KIRREL3: variants seen among roughly 807,000 people sequenced by gnomAD.
KIRREL3 encodes the protein kirre like nephrin family adhesion molecule 3, also known as kin of IRRE-like protein 3.
KIRREL3 carries 36 observed loss-of-function variants against 89.7 expected under a neutral mutation model. The ratio of observed to expected loss-of-function variants is 0.40; its 90% CI spans 0.31 to 0.53. KIRREL3 has a LOEUF of 0.53. Ranked by LOEUF, KIRREL3 falls within the 20% of genes least tolerant of loss-of-function variation. The probability of loss-of-function intolerance (pLI) is 0.49; values close to 1 mark genes in which losing one functional copy is unlikely to be tolerated. For synonymous variants in KIRREL3, 445 were observed against 441.4 expected (o/e 1.01, Z -0.10); for missense variants, 864 against 1,056.6 (o/e 0.82, Z 2.53).
rs1349732857 is a variant in KIRREL3, at chr11:126,694,563, G to A, written c.56-131651C>T. The stretch of plus-strand genomic sequence containing the variant: ...GTTCTAGGGCAGGTTTGGGGGTGCT[G>A]ACTAGGCCTTCACACAAAGAGGAAT... On this transcript the variant is annotated intron_variant, in intron 1 of 16. Transcript: ENST00000525144. The surrounding 1 kb of genome is among the most constrained non-coding windows in gnomAD (Gnocchi z 4.4). 6.6e-6 allele frequency among the ~76,000 whole-genome samples: 1 copy of A among 152,196 alleles called. No homozygotes were observed. Among genetic ancestry groups the A allele is most frequent in the Non-Finnish European group, 1.5e-5 (1 of 68,038 alleles).
chr11:126,591,636 G>A (rs1942137523), intron 1 of KIRREL3, among the ~76,000 whole-genome samples: 1 of 152,182 alleles, frequency 6.6e-6, no homozygotes, highest in Admixed American at 6.5e-5. Flanking sequence ...GCTTCTAGAA[G>A]GATCTGGCTG....
rs1958577356 is a variant in KIRREL3 at position 126,521,270 on chromosome 11, G to T, written c.433+45C>A. 6.8e-7 allele frequency: 1 copy of T among 1,474,344 alleles called. No homozygotes were observed. 91.3% of individuals were successfully genotyped at this position (1,474,344 alleles called of 1,614,324 possible). On this transcript the variant is annotated intron_variant, in intron 4 of 16. Coordinates refer to ENST00000525144, the MANE Select transcript of KIRREL3 (RefSeq NM_032531.4). This position sits in a 1 kb window ranked among gnomAD's most constrained non-coding sequence, Gnocchi z 4.1. ...AATACCCTCTTGGAGCTGAGCCCTT[G>T]GTGCTTCACGCAGTGTCCCAGCCCC...
rs1304283002 is a variant in KIRREL3 at position 126,724,031 on chromosome 11, G to A, written c.56-161119C>T. Among the ~76,000 whole-genome samples the A allele has an allele frequency of 6.6e-6, 1 of 152,204 alleles. No individual in the cohort carries two copies. Among genetic ancestry groups the A allele is most frequent in the Admixed American group, 6.5e-5 (1 of 15,278 alleles). On this transcript the variant is annotated intron_variant, in intron 1 of 16. Coordinates refer to ENST00000525144, the MANE Select transcript of KIRREL3 (RefSeq NM_032531.4). This position sits in a 1 kb window ranked among gnomAD's most constrained non-coding sequence, Gnocchi z 4.3. ...AGCTCCAAGGCCACACATGAAAAGAGAAATGCTGAGGCTGTTCCATTTGAG... is the reference window on the plus strand; with the variant it reads ...AGCTCCAAGGCCACACATGAAAAGAAAAATGCTGAGGCTGTTCCATTTGAG...
In KIRREL3 at chr11:126,923,133, T is replaced by TCTCCTTCTCCTTCTC. The variant is rs1565422701; in HGVS notation, c.55+77321_55+77322insGAGAAGGAGAAGGAG. Among the ~76,000 whole-genome samples, 44 of 13,802 alleles carry TCTCCTTCTCCTTCTC rather than the reference T, an allele frequency of 3.2e-3. 7 individuals carry two copies. The highest frequency in any genetic ancestry group is 4.0e-3 in the Non-Finnish European group (30 of 7,518). The allele number at this position is 13,802 out of a possible 152,430, so 9.1% of individuals were successfully genotyped here. A position where few individuals can be genotyped will look rare whatever the true frequency, so the allele number is the denominator to read the frequency against. ...CTCCTTCTCCTTCTCCTTCTTCTCT[T>TCTCCTTCTCCTTCTC]CTTCTTCTTCTTCTTCTTCTTCTTC... On this transcript the variant is annotated intron_variant, in intron 1 of 16. Coordinates refer to ENST00000525144, the MANE Select transcript of KIRREL3 (RefSeq NM_032531.4).
chr11:126,645,425 C>T lies in KIRREL3; in HGVS notation c.56-82513G>A, dbSNP rs539928415. 1.4e-4 allele frequency among the ~76,000 whole-genome samples: 21 copies of T among 152,278 alleles called. No homozygotes were observed. The highest frequency in any genetic ancestry group is 5.1e-4 in the African/African-American group (21 of 41,556). ...GAGCCATTTGAGGGCAGAGACCAGA[C>T]CATCTCCGCAGCCTCTCAGGCTACA... On this transcript the variant is annotated intron_variant, in intron 1 of 16. Transcript: ENST00000525144. This position sits in a 1 kb window ranked among gnomAD's most constrained non-coding sequence, Gnocchi z 4.9.
At position 126,664,871 on chromosome 11, in the gene KIRREL3, G is replaced by T. The variant is rs920277133; in HGVS notation, c.56-101959C>A. ...GGGGCATTCCCTGCCTCAACCACAG[G>T]TAGCTGGAGCTCATTCTACAGTGTC... On this transcript the variant is annotated intron_variant, in intron 1 of 16. Transcript: ENST00000525144. This position sits in a 1 kb window ranked among gnomAD's most constrained non-coding sequence, Gnocchi z 5.4. Among the ~76,000 whole-genome samples the T allele has an allele frequency of 3.3e-5, 5 of 152,178 alleles. No individual in the cohort carries two copies. Among genetic ancestry groups the T allele is most frequent in the Non-Finnish European group, 7.3e-5 (5 of 68,036 alleles).
intron 1 of KIRREL3, among the ~76,000 whole-genome samples, chr11:126,691,524 G>A (rs1037034385): frequency 4.6e-5 from 7 of 152,128 alleles, no homozygotes; most frequent in Non-Finnish European, 1.0e-4. Flanking sequence ...AGTGCAAAAA[G>A]TCTCAGAAGA....
chr11:126,753,516 T>C (rs1014885024), intron 1 of KIRREL3, among the ~76,000 whole-genome samples: 6 of 152,162 alleles, frequency 3.9e-5, no homozygotes, highest in Non-Finnish European at 7.3e-5. Flanking sequence ...TAAAAGACAA[T>C]TGTGGGGGAC....
intron 1 of KIRREL3, among the ~76,000 whole-genome samples, chr11:126,894,292 C>T (rs771275541): frequency 2.0e-5 from 3 of 152,022 alleles, no homozygotes; most frequent in Admixed American, 6.5e-5. Context: ...ATAGTCCAGG[C>T]ATTGTGTTAG....
chr11:126,659,206 A>G (rs138794915), intron 1 of KIRREL3, among the ~76,000 whole-genome samples: 11 of 152,242 alleles, frequency 7.2e-5, no homozygotes, highest in African/African-American at 2.4e-4. Context: ...AGACATGGTG[A>G]GTTTATTTAT....
In KIRREL3 at chr11:126,912,185, A is replaced by G. The variant is rs1261683254; in HGVS notation, c.55+88270T>C. 2.6e-5 allele frequency among the ~76,000 whole-genome samples: 4 copies of G among 151,968 alleles called. No individual in the cohort carries two copies. Among genetic ancestry groups the G allele is most frequent in the Non-Finnish European group, 5.9e-5 (4 of 68,008 alleles). On this transcript the variant is annotated intron_variant, in intron 1 of 16. Coordinates refer to ENST00000525144, the MANE Select transcript of KIRREL3 (RefSeq NM_032531.4). This position sits in a 1 kb window ranked among gnomAD's most constrained non-coding sequence, Gnocchi z 4.7. ...AGTGACCAACCCTCTTTTCAGAAGG[A>G]CAAAGTGGAATGAAAGCACAAGCCA...
Position 126,742,785 on chromosome 11 carries a change from G to T in KIRREL3, c.56-179873C>A, listed in dbSNP as rs1364000617. Among the ~76,000 whole-genome samples the T allele has an allele frequency of 6.6e-6, 1 of 152,226 alleles. No individual in the cohort carries two copies. The highest frequency in any genetic ancestry group is 1.5e-5 in the Non-Finnish European group (1 of 68,042). Reference sequence around the variant, plus strand: ...CAGGGTGAGGTTAGGCAGCTAGAACGTTATTGATCAACAACTTTGCCACAT... The same window carrying T: ...CAGGGTGAGGTTAGGCAGCTAGAACTTTATTGATCAACAACTTTGCCACAT... On this transcript the variant is annotated intron_variant, in intron 1 of 16. Transcript: ENST00000525144. The surrounding 1 kb of genome is among the most constrained non-coding windows in gnomAD (Gnocchi z 5.3).
intron 1 of KIRREL3, among the ~76,000 whole-genome samples, chr11:126,848,405 T>G (rs1022941477): frequency 6.6e-6 from 1 of 152,206 alleles, no homozygotes; most frequent in Non-Finnish European, 1.5e-5. Flanking sequence ...TACCTGTTAT[T>G]AAATTCCAGT....
At chr11:126,626,293 T>C (rs1402954091) in intron 1 of KIRREL3, among the ~76,000 whole-genome samples, 1 of 152,262 alleles carries the variant, frequency 6.6e-6, no homozygotes, top group Non-Finnish European at 1.5e-5. Context: ...ATGGTAGCCC[T>C]GAGAACATAT....
Position 126,645,100 on chromosome 11 carries a change from G to A in KIRREL3, c.56-82188C>T, listed in dbSNP as rs1944614794. The stretch of plus-strand genomic sequence containing the variant: ...AATGAGCAGAGGTGAAGTGAACACA[G>A]CATATTCTGAATATATCGCAAGAGG... On this transcript the variant is annotated intron_variant, in intron 1 of 16. Coordinates refer to ENST00000525144, the MANE Select transcript of KIRREL3 (RefSeq NM_032531.4). This position sits in a 1 kb window ranked among gnomAD's most constrained non-coding sequence, Gnocchi z 4.9. Among the ~76,000 whole-genome samples, 1 of 152,178 alleles carries A rather than the reference G, an allele frequency of 6.6e-6. No individual in the cohort carries two copies. Among genetic ancestry groups the A allele is most frequent in the South Asian group, 2.1e-4 (1 of 4,820 alleles).
chr11:126,665,271 C>T (rs779067064), intron 1 of KIRREL3, among the ~76,000 whole-genome samples: 7 of 152,118 alleles, frequency 4.6e-5, no homozygotes, highest in South Asian at 2.1e-4. Flanking sequence ...TTGTGCCACA[C>T]GTGTGTTTTG....
At chr11:126,921,422 TC>T (rs1947277647) in intron 1 of KIRREL3, among the ~76,000 whole-genome samples, 1 of 151,942 alleles carries the variant, frequency 6.6e-6, no homozygotes, top group Admixed American at 6.5e-5. Flanking sequence ...TATCTATCTA[TC>T]TATCTATCTA....
intron 1 of KIRREL3, among the ~76,000 whole-genome samples, chr11:126,942,955 T>C (rs1948503409): frequency 6.6e-6 from 1 of 152,224 alleles, no homozygotes. Flanking sequence ...GGCAGTAAAG[T>C]ATGTCAGGAG....
At chr11:126,660,361 T>C (rs1335912791) in intron 1 of KIRREL3, among the ~76,000 whole-genome samples, 6 of 152,194 alleles carry the variant, frequency 3.9e-5, no homozygotes, top group Non-Finnish European at 1.5e-5. Context: ...AGACAATCCA[T>C]GGAAAACATG....
Sources: allele counts gnomAD v4.1 joint callset (sites outside exome capture counted in the v4.1 genomes callset), GRCh38; gene constraint gnomAD v4.1.1; non-coding constraint Gnocchi (gnomAD v3.1); transcripts MANE v1.5; gene names NCBI Gene and HGNC (gene_info 2026-07-23, HGNC 2026-07-21).